The following TRPV3 variants were observed in gnomAD, a reference collection of about 807,000 sequenced individuals.
TRPV3 encodes the protein transient receptor potential cation channel subfamily V member 3, also known as VRL-3.
TRPV3 carries 88 observed loss-of-function variants against 87.1 expected under a neutral mutation model. The ratio of observed to expected loss-of-function variants is 1.01; its 90% confidence interval spans 0.85 to 1.21. The LOEUF (loss-of-function observed/expected upper bound fraction) is 1.21. Ranked by LOEUF, TRPV3 falls within the 50% of genes most tolerant of loss-of-function variation. TRPV3 has a pLI of 0.00. For synonymous variants in TRPV3, 438 were observed against 423.3 expected, an observed-to-expected ratio of 1.03 and a Z score of -0.43; for missense variants, 1,054 against 1,030.1, an observed-to-expected ratio of 1.02 and a Z score of -0.32.
intron 7 of TRPV3, among the ~76,000 whole-genome samples, chr17:3,535,230 TCCTC>T (rs2074391932): frequency 3.7e-5 from 1 of 26,702 alleles, no homozygotes; most frequent in Admixed American, 4.9e-4. Context: ...CCTGCCTCCC[TCCTC>T]CCTCCCTCCC....
intron 2 of TRPV3, chr17:3,546,812 T>C (rs1279223367): frequency 8.2e-6 from 3 of 364,138 alleles, no homozygotes; most frequent in Non-Finnish European, 1.7e-5. Context: ...CTACTAAACA[T>C]ACAAAATTAG....
At chr17:3,519,295 C>A (rs1423066905) in intron 14 of TRPV3, among the ~76,000 whole-genome samples, 1 of 152,146 alleles carries the variant, frequency 6.6e-6, no homozygotes, top group Non-Finnish European at 1.5e-5. Context: ...CTTTCCAACA[C>A]ACCACAGTAG....
rs755926933 is a variant in TRPV3, at chr17:3,518,679, T to C, written c.1982A>G (p.Tyr661Cys). Reference protein sequence around the residue: ...PILFLFLLITYVILTFVLLLN... With the variant: ...PILFLFLLITCVILTFVLLLN... ...GAGGAGAACAAAGGTGAGGATGACA[T>C]AGGTGATGAGCAGGAACAGAAAGAG... Residue 661 changes from tyrosine (Y) to cysteine (C), a missense_variant, in exon 15 of 18, where the codon TAT becomes TGT. Physicochemically the swap from Tyr to Cys is radical, Grantham distance 194 (BLOSUM62 -2). Transcript: ENST00000576742. The surrounding 1 kb of genome is among the most constrained non-coding windows in gnomAD (Gnocchi z 4.3). 3 of 1,608,440 alleles carry C rather than the reference T, an allele frequency of 1.9e-6. No individual in the cohort carries two copies. The highest frequency in any genetic ancestry group is 2.2e-5 in the East Asian group (1 of 44,788).
rs980507397 is a variant in TRPV3, at chr17:3,511,566, G to A, written c.*2351C>T. 1.3e-5 allele frequency: 2 copies of A among 152,224 alleles called. No individual in the cohort carries two copies. The highest frequency in any genetic ancestry group is 4.8e-5 in the African/African-American group (2 of 41,448). 9.4% of individuals were successfully genotyped at this position (152,224 alleles called of 1,614,324 possible). A position where few individuals can be genotyped will look rare whatever the true frequency, so the allele number is the denominator to read the frequency against. On this transcript the variant is annotated 3_prime_UTR_variant, in exon 18 of 18. Transcript: ENST00000576742. ...TTGGTAAACCTACCTAGGCTCAGACGTTTTGGCTGAAAGCCTTTTGGGGTG... is the reference window on the plus strand; with the variant it reads ...TTGGTAAACCTACCTAGGCTCAGACATTTTGGCTGAAAGCCTTTTGGGGTG...
In TRPV3 at chr17:3,514,359, A is replaced by G. The variant is rs2318097; in HGVS notation, c.2278+234T>C. 436,733 of 551,384 alleles carry G rather than the reference A, an allele frequency of 0.79. 176,833 individuals are homozygous for G. The highest frequency in any genetic ancestry group is 0.88 in the African/African-American group (46,464 of 52,902). 34.2% of individuals were successfully genotyped at this position (551,384 alleles called of 1,614,324 possible). On this transcript the variant is annotated intron_variant, in intron 17 of 17. Transcript: ENST00000576742. ...CTCCCAAAGTGCTGGGATTACAGGCACGAGCCACCGCGCCCGGCCTGCATG... is the reference window on the plus strand; with the variant it reads ...CTCCCAAAGTGCTGGGATTACAGGCGCGAGCCACCGCGCCCGGCCTGCATG...
chr17:3,535,427 T>A (rs2074399507), intron 7 of TRPV3, 146 bp downstream of exon 7: 114 of 267,438 alleles, frequency 4.3e-4, no homozygotes, highest in East Asian at 1.2e-3. Context: ...TCCCCCTCCC[T>A]TCCTCCCTCT....
At chr17:3,542,445 G>C in intron 6 of TRPV3, 77 bp downstream of exon 6, 2 of 1,523,074 alleles carry the variant, frequency 1.3e-6, no homozygotes, top group South Asian at 2.6e-5. Flanking sequence ...CACGTGGCCT[G>C]GCCAGCAGTG....
In TRPV3 at chr17:3,532,712, C is replaced by A. The variant is rs202193958; in HGVS notation, c.1010G>T (p.Arg337Leu). The A allele has an allele frequency of 6.2e-7, 1 of 1,614,236 alleles. No individual in the cohort carries two copies. The highest frequency in any genetic ancestry group is 8.5e-7 in the Non-Finnish European group (1 of 1,180,050). ...CAGCGGCGTGAGGCCATCGTTGTTG[C>A]GAGTGGTCTCCAGCTCCCAGTTGCC... ...RSGNWELETT[R>L]NNDGLTPLQL... Residue 337 changes from arginine to leucine, a missense_variant, in exon 8 of 18, where the codon CGC (arginine) becomes CTC (leucine). Coordinates refer to ENST00000576742, the MANE Select transcript of TRPV3 (RefSeq NM_145068.4).
In TRPV3 at chr17:3,528,128, T is replaced by G; in HGVS notation, c.1402-2A>C. 1 of 1,610,646 alleles carries G rather than the reference T, an allele frequency of 6.2e-7. No individual in the cohort carries two copies. Among genetic ancestry groups the G allele is most frequent in the Non-Finnish European group, 8.5e-7 (1 of 1,178,296 alleles). ...CAGGGCCAAGGGGTGCGGGATGGCC[T>G]GCAGGGAAAGAAGAGGGGTGGTCAG... On this transcript the variant is annotated splice_acceptor_variant, in intron 10 of 17. Transcript: ENST00000576742. LOFTEE classifies it high-confidence loss of function. This position sits in a 1 kb window ranked among gnomAD's most constrained non-coding sequence, Gnocchi z 4.2.
chr17:3,513,700 T>C lies in TRPV3; in HGVS notation c.*217A>G. 4.1e-6 allele frequency: 2 copies of C among 483,408 alleles called. No homozygotes were observed. Among genetic ancestry groups the C allele is most frequent in the Non-Finnish European group, 7.3e-6 (2 of 272,706 alleles). The allele number at this position is 483,408 out of a possible 1,614,324, so 29.9% of individuals were successfully genotyped here. A position where few individuals can be genotyped will look rare whatever the true frequency, so the allele number is the denominator to read the frequency against. ...GCTGGCTGTAGGTTTACACCAGCTG[T>C]TTGCCAAGTAACAAAATCCAGGATG... On this transcript the variant is annotated 3_prime_UTR_variant, in exon 18 of 18. Transcript: ENST00000576742.
intron 8 of TRPV3, among the ~76,000 whole-genome samples, chr17:3,531,752 G>A (rs140660932): frequency 1.3e-5 from 2 of 152,320 alleles, no homozygotes; most frequent in South Asian, 2.1e-4. Context: ...CAGGAGCTGC[G>A]GGGAGGCAGA....
At chr17:3,534,099 C>T (rs1182979954) in intron 7 of TRPV3, among the ~76,000 whole-genome samples, 1 of 152,112 alleles carries the variant, frequency 6.6e-6, no homozygotes, top group Non-Finnish European at 1.5e-5. Context: ...TCTCCTCGCC[C>T]CACCCAACAA....
At chr17:3,545,315 A>ACAGGCTCT in intron 2 of TRPV3, 44 bp from the exon 3 acceptor site, 2 of 1,462,644 alleles carry the variant, frequency 1.4e-6, no homozygotes, top group Non-Finnish European at 1.9e-6. Context: ...AGCCAGGCAG[A>ACAGGCTCT]GCCTGTCTGC....
intron 8 of TRPV3, among the ~76,000 whole-genome samples, chr17:3,531,592 C>A (rs1192141720): frequency 6.6e-6 from 1 of 152,170 alleles, no homozygotes; most frequent in Non-Finnish European, 1.5e-5. Context: ...TGGGACCATG[C>A]TCCATGCAGG....
rs956104666 is a variant in TRPV3, at chr17:3,518,530, T to A, written c.2085+46A>T. The A allele has an allele frequency of 6.6e-7, 1 of 1,520,872 alleles. No homozygotes were observed. 94.2% of individuals were successfully genotyped at this position (1,520,872 alleles called of 1,614,324 possible). ...AGTAGTCAATGACCACGTGCTGAAC[T>A]GAGTCCCGTGGAGGCCCCCACGCTG... On this transcript the variant is annotated intron_variant, in intron 15 of 17. Transcript: ENST00000576742. The surrounding 1 kb of genome is among the most constrained non-coding windows in gnomAD (Gnocchi z 4.3).
intron 7 of TRPV3, among the ~76,000 whole-genome samples, chr17:3,534,934 G>T (rs892068680): frequency 6.6e-6 from 1 of 151,980 alleles, no homozygotes; most frequent in African/African-American, 2.4e-5. Flanking sequence ...CCAGGACAAT[G>T]CTTCTAAGAC....
Position 3,530,074 on chromosome 17 carries a change from T to C in TRPV3, c.1195A>G (p.Thr399Ala). The change falls in exon 9 of 18, where the codon ACG (threonine) becomes GCG (alanine). Residue 399 changes from threonine to alanine, a missense_variant. Thr to Ala is a moderately conservative substitution (Grantham distance 58, BLOSUM62 0). Coordinates refer to ENST00000576742, the MANE Select transcript of TRPV3 (RefSeq NM_145068.4). This position sits in a 1 kb window ranked among gnomAD's most constrained non-coding sequence, Gnocchi z 4.0. Reference protein sequence around the residue: ...LYDLTNVDTTTDNSVLEITVY... With the variant: ...LYDLTNVDTTADNSVLEITVY... ...GTGATTTCCAGCACTGAGTTGTCCG[T>C]GGTGGTGTCCACGTTGGTGAGGTCG... The C allele has an allele frequency of 1.2e-6, 2 of 1,614,072 alleles. No homozygotes were observed. The highest frequency in any genetic ancestry group is 1.7e-6 in the Non-Finnish European group (2 of 1,179,970).
In TRPV3 at chr17:3,557,286, G is replaced by A. The variant is rs1412014256; in HGVS notation, c.-3+390C>T. On this transcript the variant is annotated intron_variant, in intron 1 of 17. Transcript: ENST00000576742. The surrounding 1 kb of genome is among the most constrained non-coding windows in gnomAD (Gnocchi z 4.5). ...CTGGGCCCCGTCTGTCTCCCACGGTGGGGCCACCTCCTCCCATCCTGAACT... is the reference window on the plus strand; with the variant it reads ...CTGGGCCCCGTCTGTCTCCCACGGTAGGGCCACCTCCTCCCATCCTGAACT... 3.9e-5 allele frequency among the ~76,000 whole-genome samples: 6 copies of A among 152,084 alleles called. No homozygotes were observed. In the East Asian group the frequency reaches 1.2e-3, roughly 29 times the overall value.
chr17:3,512,645 G>C lies in TRPV3; in HGVS notation c.*1272C>G, dbSNP rs2074128477. ...GGATTTTCTGGTGGTTTCGGCCCCA[G>C]TCACCTGGAAAATCCTTCCGTCTCC... On this transcript the variant is annotated 3_prime_UTR_variant, in exon 18 of 18. Transcript: ENST00000576742. The C allele has an allele frequency of 6.6e-6, 1 of 151,984 alleles. No individual in the cohort carries two copies. Among genetic ancestry groups the C allele is most frequent in the African/African-American group, 2.4e-5 (1 of 41,382 alleles). 9.4% of individuals were successfully genotyped at this position (151,984 alleles called of 1,614,324 possible).
Sources: gnomAD v4.1 joint callset for allele counts (sites outside exome capture counted in the v4.1 genomes callset) on GRCh38, gnomAD v4.1.1 for gene constraint, Gnocchi (gnomAD v3.1) non-coding constraint, MANE v1.5 for transcripts, NCBI Gene and HGNC (gene_info 2026-07-23, HGNC 2026-07-21) for gene names.